PTPRG: variants seen among roughly 807,000 people sequenced by gnomAD.
PTPRG encodes protein tyrosine phosphatase receptor type G.
In PTPRG, 102 loss-of-function variants were observed where a neutral mutation model predicts 165.3. The ratio of observed to expected loss-of-function variants is 0.62; its 90% CI spans 0.53 to 0.73. The LOEUF (loss-of-function observed/expected upper bound fraction) is 0.73. Among genes scored for constraint, PTPRG ranks in the 30% least tolerant of loss-of-function variants. The pLI is 0.00. For synonymous variants in PTPRG, 675 were observed against 669.5 expected (o/e 1.01, Z -0.13); for missense variants, 1,866 against 1,861.4 (o/e 1.00, Z -0.05).
intron 6 of PTPRG, among the ~76,000 whole-genome samples, chr3:62,140,071 G>A (rs1011231465): frequency 2.6e-5 from 4 of 152,156 alleles, no homozygotes; most frequent in Non-Finnish European, 5.9e-5. Flanking sequence ...CTAGAACAGT[G>A]GGTAGACTTC....
At chr3:62,256,793 T>C (rs1044055015) in intron 16 of PTPRG, among the ~76,000 whole-genome samples, 1 of 152,172 alleles carries the variant, frequency 6.6e-6, no homozygotes, top group Non-Finnish European at 1.5e-5. Context: ...TCACAGCTGG[T>C]TTTGACACCA....
chr3:62,155,383 T>C (rs1311243759), intron 6 of PTPRG, among the ~76,000 whole-genome samples: 1 of 152,196 alleles, frequency 6.6e-6, no homozygotes, highest in Non-Finnish European at 1.5e-5. Context: ...CATAGAGTTG[T>C]GAACTAAGAG....
intron 1 of PTPRG, among the ~76,000 whole-genome samples, chr3:61,587,576 C>A (rs1286390933): frequency 6.6e-6 from 1 of 152,144 alleles, no homozygotes; most frequent in African/African-American, 2.4e-5. Flanking sequence ...TAATTACAGA[C>A]CTTATTCAAA....
chr3:61,601,004 C>T (rs1489641151), intron 1 of PTPRG, among the ~76,000 whole-genome samples: 4 of 152,200 alleles, frequency 2.6e-5, no homozygotes, highest in African/African-American at 7.2e-5. Flanking sequence ...CCTGTGACCC[C>T]AGCACTCTGG....
At chr3:61,856,296 T>G (rs191746807) in intron 2 of PTPRG, among the ~76,000 whole-genome samples, 188 of 152,194 alleles carry the variant, frequency 1.2e-3, no homozygotes, top group African/African-American at 4.4e-3. Context: ...CATTGAGCAG[T>G]CACTCCCCAC....
intron 2 of PTPRG, among the ~76,000 whole-genome samples, chr3:61,827,847 T>G (rs1218777565): frequency 6.6e-6 from 1 of 152,200 alleles, no homozygotes; most frequent in Non-Finnish European, 1.5e-5. Flanking sequence ...AGATATTATA[T>G]TTTCTTATTA....
At chr3:62,129,991 T>C (rs1703453217) in intron 5 of PTPRG, among the ~76,000 whole-genome samples, 1 of 152,236 alleles carries the variant, frequency 6.6e-6, no homozygotes, top group Admixed American at 6.5e-5. Context: ...TTCTCATTTT[T>C]TACCTTTGCA....
In PTPRG at chr3:62,213,975, T is replaced by C. The variant is rs578127909; in HGVS notation, c.2156-4876T>C. On this transcript the variant is annotated intron_variant, in intron 12 of 29. Transcript: ENST00000474889. The surrounding 1 kb of genome is among the most constrained non-coding windows in gnomAD (Gnocchi z 4.4). ...TTGAGTGGGGGCTGAGGCAGGAGGATCCCTTGAGCCCAGAAGTTCGAGACC... is the reference window on the plus strand; with the variant it reads ...TTGAGTGGGGGCTGAGGCAGGAGGACCCCTTGAGCCCAGAAGTTCGAGACC... 6.6e-6 allele frequency among the ~76,000 whole-genome samples: 1 copy of C among 151,900 alleles called. No homozygotes were observed. Among genetic ancestry groups the C allele is most frequent in the South Asian group, 2.1e-4 (1 of 4,786 alleles).
chr3:62,138,038 G>A (rs978748536), intron 6 of PTPRG, among the ~76,000 whole-genome samples: 1 of 152,104 alleles, frequency 6.6e-6, no homozygotes, highest in Non-Finnish European at 1.5e-5. Flanking sequence ...CATCTTCAAG[G>A]CTCTCTTCTC....
chr3:62,105,537 C>T (rs1329887425), intron 5 of PTPRG, among the ~76,000 whole-genome samples: 2 of 152,172 alleles, frequency 1.3e-5, no homozygotes, highest in East Asian at 3.8e-4. Context: ...TTTTCACCTC[C>T]TTACAGATAA....
intron 2 of PTPRG, among the ~76,000 whole-genome samples, chr3:61,887,904 T>C (rs550316803): frequency 2.0e-5 from 3 of 152,190 alleles, no homozygotes; most frequent in African/African-American, 7.2e-5. Flanking sequence ...AAAATCTAAT[T>C]TTTCACAGGG....
intron 2 of PTPRG, among the ~76,000 whole-genome samples, chr3:61,972,258 T>C (rs2107661321): frequency 6.6e-6 from 1 of 152,322 alleles, no homozygotes; most frequent in Middle Eastern, 3.4e-3. Context: ...AGGTGGCCTG[T>C]TTGGCTTCTG....
At chr3:61,918,511 A>G (rs1184966970) in intron 2 of PTPRG, among the ~76,000 whole-genome samples, 1 of 152,182 alleles carries the variant, frequency 6.6e-6, no homozygotes, top group Non-Finnish European at 1.5e-5. Context: ...AGCCACATGT[A>G]AAAATAAGAA....
At chr3:62,053,263 TG>T (rs1028710720) in intron 4 of PTPRG, among the ~76,000 whole-genome samples, 1 of 136,242 alleles carries the variant, frequency 7.3e-6, no homozygotes, top group Non-Finnish European at 1.6e-5. Context: ...TTCACTGCCT[TG>T]GGTTTTTTTT....
At chr3:61,635,382 G>A (rs1701881206) in intron 1 of PTPRG, among the ~76,000 whole-genome samples, 1 of 150,274 alleles carries the variant, frequency 6.7e-6, no homozygotes. Flanking sequence ...TAGAGACAGA[G>A]TCTCACTCTT....
At chr3:61,820,603 G>GTTTTTTTTTTTTTTTTTTTTTTTTTTTT (rs11329820) in intron 2 of PTPRG, among the ~76,000 whole-genome samples, 6 of 65,732 alleles carry the variant, frequency 9.1e-5, no homozygotes, top group African/African-American at 2.6e-4. Flanking sequence ...CTGTGTCTCT[G>GTTTTTTTTTTTTTTTTTTTTTTTTTTTT]TTTTTTTTTT....
Position 62,277,553 on chromosome 3 carries a change from C to A in PTPRG, c.3639C>A (p.Gly1213=). Residue 1213 remains glycine (G), a splice_region_variant and synonymous_variant, in exon 26 of 30, where the codon GGC becomes GGA. Coordinates refer to ENST00000474889, the MANE Select transcript of PTPRG (RefSeq NM_002841.4). ...TDYINASYIM[G]YYRSNEFIIT... ...TTTTTTTGTCTTCCCAACTGAAGGG[C>A]TATTATAGGAGCAATGAATTTATTA... The A allele has an allele frequency of 6.2e-7, 1 of 1,610,196 alleles. No homozygotes were observed. Among genetic ancestry groups the A allele is most frequent in the Non-Finnish European group, 8.5e-7 (1 of 1,178,948 alleles).
chr3:61,735,968 C>A (rs916224074), intron 1 of PTPRG, among the ~76,000 whole-genome samples: 1 of 149,902 alleles, frequency 6.7e-6, no homozygotes, highest in Non-Finnish European at 1.5e-5. Flanking sequence ...AGCGCAGTGG[C>A]GTGATCTCAG....
chr3:62,182,601 C>G (rs966425584), intron 8 of PTPRG, among the ~76,000 whole-genome samples: 15 of 152,212 alleles, frequency 9.9e-5, no homozygotes, highest in South Asian at 2.1e-4. Flanking sequence ...ATCCATAGTT[C>G]CTGGTCAAGG....
Sources: gnomAD v4.1 joint callset for allele counts (sites outside exome capture counted in the v4.1 genomes callset) on GRCh38, gnomAD v4.1.1 for gene constraint, Gnocchi (gnomAD v3.1) non-coding constraint, MANE v1.5 for transcripts, NCBI Gene and HGNC (gene_info 2026-07-23, HGNC 2026-07-21) for gene names.